Variants in ATG4B observed in about 807,000 individuals in gnomAD.
ATG4B encodes autophagy related 4B cysteine peptidase.
ATG4B carries 29 observed loss-of-function variants against 56.6 expected under a neutral mutation model. That is an observed-to-expected ratio of 0.51 (90% CI 0.38 to 0.70). The LOEUF is 0.70. Among genes scored for constraint, ATG4B ranks in the 30% least tolerant of loss-of-function variants. The pLI is 0.00. For synonymous variants in ATG4B, 224 were observed against 206.1 expected, an observed-to-expected ratio of 1.09 and a Z score of -0.74; for missense variants, 461 against 515.5, an observed-to-expected ratio of 0.89 and a Z score of 1.02.
At chr2:241,659,413 C>CT in intron 7 of ATG4B, 3 of 621,062 alleles carry the variant, frequency 4.8e-6, no homozygotes, top group Non-Finnish European at 9.3e-6. Context: ...GAGGCCGCGA[C>CT]TTGGTATCTC....
chr2:241,669,593 C>T (rs938363599), intron 10 of ATG4B, among the ~76,000 whole-genome samples: 4 of 152,198 alleles, frequency 2.6e-5, no homozygotes, highest in Admixed American at 6.5e-5. Context: ...CTGCAAGCTC[C>T]GCCTCCCAGG....
chr2:241,651,381 G>C lies in ATG4B; in HGVS notation c.184+46G>C. 3 of 1,429,782 alleles carry C rather than the reference G, an allele frequency of 2.1e-6. No homozygotes were observed. The highest frequency in any genetic ancestry group is 2.9e-6 in the Non-Finnish European group (3 of 1,044,914). 88.6% of individuals were successfully genotyped at this position (1,429,782 alleles called of 1,614,324 possible). A position where few individuals can be genotyped will look rare whatever the true frequency, so the allele number is the denominator to read the frequency against. ...CAACGCGGGACAAAATATGTTTTTA[G>C]GAAGGAGGAAAACTTACGCTTGTAG... On this transcript the variant is annotated intron_variant, in intron 3 of 12. Coordinates refer to ENST00000404914, the MANE Select transcript of ATG4B (RefSeq NM_013325.5). The surrounding 1 kb of genome is among the most constrained non-coding windows in gnomAD (Gnocchi z 4.1).
intron 6 of ATG4B, among the ~76,000 whole-genome samples, chr2:241,656,477 G>A (rs1005439554): frequency 1.3e-5 from 2 of 152,140 alleles, no homozygotes; most frequent in Non-Finnish European, 2.9e-5. Flanking sequence ...TCTTGCTGCT[G>A]CCTGGAGTGG....
intron 7 of ATG4B, among the ~76,000 whole-genome samples, chr2:241,664,371 A>G (rs1349213437): frequency 1.3e-5 from 2 of 152,018 alleles, no homozygotes; most frequent in African/African-American, 2.4e-5. Context: ...ATCTCTACAA[A>G]AAAACAAAAC....
chr2:241,643,083 C>G (rs934668815), intron 1 of ATG4B, among the ~76,000 whole-genome samples: 2 of 151,642 alleles, frequency 1.3e-5, no homozygotes, highest in Middle Eastern at 6.8e-3. Flanking sequence ...TGGGGTTTCA[C>G]CATGTTGGCC....
rs1321613822 is a variant in ATG4B at position 241,642,871 on chromosome 2, C to CTTTTTTTTT, written c.10+5147_10+5148insTTTTTTTTT. Among the ~76,000 whole-genome samples, 946 of 98,402 alleles carry CTTTTTTTTT rather than the reference C, an allele frequency of 9.6e-3. 319 individuals carry two copies. The highest frequency in any genetic ancestry group is 0.028 in the African/African-American group (654 of 23,490). The allele number at this position is 98,402 out of a possible 152,430, so 64.6% of individuals were successfully genotyped here. On this transcript the variant is annotated intron_variant, in intron 1 of 12. Coordinates refer to ENST00000404914, the MANE Select transcript of ATG4B (RefSeq NM_013325.5). Reference sequence around the variant, plus strand: ...CTTAAGGTGTACAGCACCTCTCCGTCCTTTTTTTTTTTTTTTTTTTTTTTT... The same window carrying CTTTTTTTTT: ...CTTAAGGTGTACAGCACCTCTCCGTCTTTTTTTTTCTTTTTTTTTTTTTTTTTTTTTTTT...
chr2:241,659,181 G>A lies in ATG4B; in HGVS notation c.532G>A (p.Glu178Lys). The A allele has an allele frequency of 6.2e-7, 1 of 1,613,558 alleles. No homozygotes were observed. The highest frequency in any genetic ancestry group is 8.5e-7 in the Non-Finnish European group (1 of 1,179,516). The change falls in exon 7 of 13, where the codon GAA (glutamate) becomes AAA (lysine). Residue 178 changes from glutamate (E) to lysine (K), a missense_variant. Transcript: ENST00000404914. ...IAMDNTVVMEEIRRLCRTSVP... is the reference protein window; with the variant it reads ...IAMDNTVVMEKIRRLCRTSVP... ...AATGGACAACACTGTTGTGATGGAG[G>A]AAATCAGTAAGTGGCTCAGAGTTTC...
Position 241,672,404 on chromosome 2 carries a change from A to G in ATG4B, c.*140A>G. The G allele has an allele frequency of 2.6e-6, 2 of 761,746 alleles. No homozygotes were observed. Among genetic ancestry groups the G allele is most frequent in the Non-Finnish European group, 4.3e-6 (2 of 467,770 alleles). 47.2% of individuals were successfully genotyped at this position (761,746 alleles called of 1,614,324 possible). On this transcript the variant is annotated 3_prime_UTR_variant, in exon 13 of 13. Coordinates refer to ENST00000404914, the MANE Select transcript of ATG4B (RefSeq NM_013325.5). The stretch of plus-strand genomic sequence containing the variant: ...AGAGGGCCACCCGCTGTGCTCGTGG[A>G]CTGAGGCTGCGCTGCCCGGGAGGCC...
intron 4 of ATG4B, 58 bp from the exon 5 acceptor site, chr2:241,654,488 G>C: frequency 8.9e-7 from 1 of 1,126,294 alleles, no homozygotes; most frequent in South Asian, 1.3e-5. Flanking sequence ...TAGTGTGAAA[G>C]TGAAAACTTG....
chr2:241,665,100 A>T (rs1349233607), intron 7 of ATG4B, among the ~76,000 whole-genome samples: 2 of 152,222 alleles, frequency 1.3e-5, no homozygotes, highest in African/African-American at 4.8e-5. Context: ...AGCCTGGGTG[A>T]CAGAGTGAGA....
intron 6 of ATG4B, among the ~76,000 whole-genome samples, chr2:241,656,815 T>C (rs2068418568): frequency 6.6e-6 from 1 of 152,218 alleles, no homozygotes; most frequent in African/African-American, 2.4e-5. Context: ...CTGGGATTGT[T>C]CTAGACCCCT....
chr2:241,654,627 A>C lies in ATG4B; in HGVS notation c.365A>C (p.Tyr122Ser). Residue 122 changes from tyrosine to serine, a missense_variant, in exon 5 of 13, where the codon TAC (tyrosine) becomes TCC (serine). Physicochemically the swap from Tyr to Ser is moderately radical, Grantham distance 144. Transcript: ENST00000404914. ...GCATTCATCGACAGGAAGGACAGTT[A>C]CTACTCCATTCACCAGATAGGTGGG... The part of the protein sequence containing the change: ...LNAFIDRKDS[Y>S]YSIHQIAQMG... 6.3e-7 allele frequency: 1 copy of C among 1,599,194 alleles called. No individual in the cohort carries two copies. The highest frequency in any genetic ancestry group is 2.3e-5 in the East Asian group (1 of 44,402).
At position 241,673,131 on chromosome 2, in the gene ATG4B, C is replaced by G. The variant is rs1381426038; in HGVS notation, c.*867C>G. ...GAGCCTTCCCCATGTCCTTGCCTTG[C>G]TGAGAATTGCCCTCCCATGCCGCTG... On this transcript the variant is annotated 3_prime_UTR_variant, in exon 13 of 13. Transcript: ENST00000404914. 5.3e-6 allele frequency: 1 copy of G among 189,390 alleles called. No homozygotes were observed. The highest frequency in any genetic ancestry group is 1.3e-4 in the East Asian group (1 of 7,844). 11.7% of individuals were successfully genotyped at this position (189,390 alleles called of 1,614,324 possible).
chr2:241,670,686 A>T (rs777790047), intron 10 of ATG4B, 40 bp from the exon 11 acceptor site: 10 of 1,573,250 alleles, frequency 6.4e-6, no homozygotes, highest in Non-Finnish European at 8.7e-6. Context: ...CCGACTGCAG[A>T]TGGGGGTGTC....
intron 8 of ATG4B, among the ~76,000 whole-genome samples, chr2:241,667,311 G>T (rs2068808940): frequency 6.6e-6 from 1 of 152,132 alleles, no homozygotes; most frequent in Non-Finnish European, 1.5e-5. Flanking sequence ...CCCATGTCAT[G>T]AAAGCAAAAG....
intron 10 of ATG4B, among the ~76,000 whole-genome samples, chr2:241,669,424 A>G (rs1373037990): frequency 6.6e-6 from 1 of 152,184 alleles, no homozygotes. Context: ...GCAGCCCCAG[A>G]GTGCACACCA....
In ATG4B at chr2:241,668,400, G is replaced by A. The variant is rs2068846593; in HGVS notation, c.812-140G>A. 7.2e-7 allele frequency: 1 copy of A among 1,386,040 alleles called. No homozygotes were observed. The highest frequency in any genetic ancestry group is 9.9e-7 in the Non-Finnish European group (1 of 1,006,888). The allele number at this position is 1,386,040 out of a possible 1,614,324, so 85.9% of individuals were successfully genotyped here. ...TGTGTGCCCCTTTCCCTGATGGTCT[G>A]GTGCCCTCGGCTCCCTCCCCACCTC... On this transcript the variant is annotated intron_variant, in intron 9 of 12. Transcript: ENST00000404914. The surrounding 1 kb of genome is among the most constrained non-coding windows in gnomAD (Gnocchi z 4.2).
chr2:241,671,645 G>A, intron 12 of ATG4B: 1 of 1,449,638 alleles, frequency 6.9e-7, no homozygotes, highest in Non-Finnish European at 9.1e-7. Context: ...CGGGCGCTGT[G>A]GAGCTGGGCG....
In ATG4B at chr2:241,658,972, C is replaced by A. The variant is rs757595922; in HGVS notation, c.459-136C>A. ...CCTGTCTGTGGCATTGGCTGTGCCC[C>A]GGATTTTAGGAGCCTTGGCCCTTCT... is the stretch of plus-strand genomic sequence containing the variant. On this transcript the variant is annotated intron_variant, in intron 6 of 12. Transcript: ENST00000404914. 9.8e-6 allele frequency: 6 copies of A among 610,238 alleles called. No homozygotes were observed. In the South Asian group the frequency reaches 1.0e-4, roughly 11 times the overall value. The allele number at this position is 610,238 out of a possible 1,614,324, so 37.8% of individuals were successfully genotyped here. A position where few individuals can be genotyped will look rare whatever the true frequency, so the allele number is the denominator to read the frequency against.
Sources: gnomAD v4.1 joint callset for allele counts (sites outside exome capture counted in the v4.1 genomes callset) on GRCh38, gnomAD v4.1.1 for gene constraint, Gnocchi (gnomAD v3.1) non-coding constraint, MANE v1.5 for transcripts, NCBI Gene and HGNC (gene_info 2026-07-23, HGNC 2026-07-21) for gene names.